The following LMNA variants were observed in gnomAD, a reference collection of about 807,000 sequenced individuals.
LMNA encodes lamin.
A neutral mutation model predicts 70.4 loss-of-function variants in LMNA; 20 were observed. The observed-to-expected ratio is 0.28, with a 90% CI of 0.20 to 0.41. LMNA has a LOEUF of 0.41. Among genes scored for constraint, LMNA ranks in the 10% least tolerant of loss-of-function variants. LMNA has a pLI of 1.00. For missense variants in LMNA, 652 were observed against 917.2 expected, an observed-to-expected ratio of 0.71 and a Z score of 3.73; for synonymous variants, 339 against 372.8, an observed-to-expected ratio of 0.91 and a Z score of 1.04.
chr1:156,129,510 G>A (rs1364011722), intron 1 of LMNA, among the ~76,000 whole-genome samples: 1 of 152,116 alleles, frequency 6.6e-6, no homozygotes, highest in Non-Finnish European at 1.5e-5. Flanking sequence ...GCCCACGCTT[G>A]GTTTTCCTTT....
intron 1 of LMNA, chr1:156,129,688 GT>G: frequency 1.7e-6 from 1 of 604,976 alleles, no homozygotes. Flanking sequence ...TTCTCTGGAG[GT>G]TTTTAAGAAA....
intron 3 of LMNA, among the ~76,000 whole-genome samples, chr1:156,106,428 C>CCA (rs1051782796): frequency 4.6e-5 from 7 of 151,976 alleles, no homozygotes; most frequent in Middle Eastern, 3.4e-3. Context: ...GCCCCAGCAA[C>CCA]CACACACACA....
chr1:156,104,594 C>T (rs1649256461), intron 3 of LMNA, among the ~76,000 whole-genome samples: 1 of 152,110 alleles, frequency 6.6e-6, no homozygotes. Context: ...TCTCGTCCAT[C>T]CTCCACTCCT....
chr1:156,096,182 C>T (rs1379868283), intron 3 of LMNA, among the ~76,000 whole-genome samples: 1 of 152,186 alleles, frequency 6.6e-6, no homozygotes, highest in Non-Finnish European at 1.5e-5. Flanking sequence ...CCCATCTCTC[C>T]TCCTCTGTCT....
chr1:156,135,547 G>A lies in LMNA; in HGVS notation c.936+235G>A, dbSNP rs779386980. 1.1e-5 allele frequency: 7 copies of A among 622,096 alleles called. No individual in the cohort carries two copies. Among genetic ancestry groups the A allele is most frequent in the Admixed American group, 2.8e-5 (1 of 36,220 alleles). 38.5% of individuals were successfully genotyped at this position (622,096 alleles called of 1,614,324 possible). ...TCTCAGGGCTTTGGTTTTCCCATTC[G>A]AAAATGGAGGCTGTTCTTAATCTCC... On this transcript the variant is annotated intron_variant, in intron 5 of 11. Coordinates refer to ENST00000368300, the MANE Select transcript of LMNA (RefSeq NM_170707.4). This position sits in a 1 kb window ranked among gnomAD's most constrained non-coding sequence, Gnocchi z 4.8.
chr1:156,114,817 G>C lies in LMNA; in HGVS notation c.-102G>C. 2.5e-6 allele frequency: 2 copies of C among 803,158 alleles called. No homozygotes were observed. Among genetic ancestry groups the C allele is most frequent in the Non-Finnish European group, 1.9e-6 (1 of 530,090 alleles). The allele number at this position is 803,158 out of a possible 1,614,324, so 49.8% of individuals were successfully genotyped here. On this transcript the variant is annotated 5_prime_UTR_variant, in exon 1 of 12. Transcript: ENST00000368300. ...GCCAGGAGCAAGCCGAGAGCCAGCC[G>C]GCCGGCGCACTCCGACTCCGAGCAG...
chr1:156,129,653 T>C (rs1650875308), intron 1 of LMNA, among the ~76,000 whole-genome samples: 1 of 152,202 alleles, frequency 6.6e-6, no homozygotes, highest in South Asian at 2.1e-4. Context: ...TGTGAAGCAA[T>C]TGTAACATCT....
At chr1:156,126,237 C>G in intron 1 of LMNA, 1 of 1,518,208 alleles carries the variant, frequency 6.6e-7, no homozygotes, top group Non-Finnish European at 8.8e-7. Context: ...AGCAGGGCTG[C>G]TGAGGAGTGG....
At chr1:156,093,298 A>AGTT (rs1399858052) in intron 3 of LMNA, among the ~76,000 whole-genome samples, 10 of 137,224 alleles carry the variant, frequency 7.3e-5, no homozygotes, top group Non-Finnish European at 4.6e-5. Context: ...TTTATATGTC[A>AGTT]ATTTTTTTTT....
chr1:156,137,631 A>T lies in LMNA; in HGVS notation c.1609-23A>T. The T allele has an allele frequency of 6.5e-7, 1 of 1,547,786 alleles. No individual in the cohort carries two copies. The highest frequency in any genetic ancestry group is 8.7e-7 in the Non-Finnish European group (1 of 1,143,628). On this transcript the variant is annotated intron_variant, in intron 9 of 11. Coordinates refer to ENST00000368300, the MANE Select transcript of LMNA (RefSeq NM_170707.4). The surrounding 1 kb of genome is among the most constrained non-coding windows in gnomAD (Gnocchi z 4.6). ...ACCCTTCCCTGGCCCTGACCCTTGG[A>T]CCTGGTTCCATGTCCCCACCAGGAA...
chr1:156,110,511 C>A (rs1335225833), upstream of LMNA, among the ~76,000 whole-genome samples: 1 of 152,174 alleles, frequency 6.6e-6, no homozygotes, highest in Non-Finnish European at 1.5e-5. Context: ...GAGTCACTGA[C>A]CTGAAAAGTG....
intron 1 of LMNA, among the ~76,000 whole-genome samples, chr1:156,124,295 C>CT (rs1168091917): frequency 1.3e-5 from 2 of 151,514 alleles, no homozygotes; most frequent in African/African-American, 2.4e-5. Flanking sequence ...CTCTCTCTCT[C>CT]TCTTTTTTTT....
rs1649784764 is a variant in LMNA at position 156,115,740 on chromosome 1, A to ACGTT, written c.356+467_356+468insGTTC. Among the ~76,000 whole-genome samples, 2 of 152,350 alleles carry ACGTT rather than the reference A, an allele frequency of 1.3e-5. No homozygotes were observed. The highest frequency in any genetic ancestry group is 4.8e-5 in the African/African-American group (2 of 41,588). ...CTAGCTTTGCCCAAGCTGGCTCTGAACACATGATGCCCACTAAGACATAAC... is the reference window on the plus strand; with the variant it reads ...CTAGCTTTGCCCAAGCTGGCTCTGAACGTTCACATGATGCCCACTAAGACATAAC... On this transcript the variant is annotated intron_variant, in intron 1 of 11. Coordinates refer to ENST00000368300, the MANE Select transcript of LMNA (RefSeq NM_170707.4). This position sits in a 1 kb window ranked among gnomAD's most constrained non-coding sequence, Gnocchi z 5.8.
intron 1 of LMNA, among the ~76,000 whole-genome samples, chr1:156,123,675 C>T (rs1399974629): frequency 2.0e-5 from 3 of 152,122 alleles, no homozygotes; most frequent in Non-Finnish European, 2.9e-5. Context: ...GTGACAACAC[C>T]GGAATGATTT....
At chr1:156,087,305 G>A (rs1427322850) in intron 2 of LMNA, among the ~76,000 whole-genome samples, 4 of 142,544 alleles carry the variant, frequency 2.8e-5, no homozygotes, top group Non-Finnish European at 6.1e-5. Context: ...GTGCAGTGGC[G>A]CCATCTCGGC....
In LMNA at chr1:156,139,012, GC is replaced by G; in HGVS notation, c.1969-66del. 3 of 1,542,450 alleles carry G rather than the reference GC, an allele frequency of 1.9e-6. No homozygotes were observed. The South Asian group carries it at 3.3e-5, about 17-fold the overall frequency. On this transcript the variant is annotated intron_variant, in intron 11 of 11. Coordinates refer to ENST00000368300, the MANE Select transcript of LMNA (RefSeq NM_170707.4). ...GGGAGATGCTACCTCCCTTCTAGGG[GC>G]CAGGGGAGGGAGGGTCTGGGTCCAG...
At chr1:156,126,436 C>T (rs1192526779) in intron 1 of LMNA, 21 of 618,666 alleles carry the variant, frequency 3.4e-5, no homozygotes, top group South Asian at 3.9e-5. Flanking sequence ...GGCCTGTGGC[C>T]GGCCCTGGCT....
chr1:156,112,922 G>A (rs1050100087), upstream of LMNA, among the ~76,000 whole-genome samples: 4 of 152,146 alleles, frequency 2.6e-5, no homozygotes, highest in Admixed American at 6.5e-5. Context: ...GTTGCTCATC[G>A]GAGGATAAGC....
At chr1:156,089,339 A>C (rs1405201863) in intron 2 of LMNA, among the ~76,000 whole-genome samples, 1 of 151,834 alleles carries the variant, frequency 6.6e-6, no homozygotes, top group Non-Finnish European at 1.5e-5. Context: ...TCTGTTGCTC[A>C]GGCTGGAATG....
Sources: allele counts gnomAD v4.1 joint callset (sites outside exome capture counted in the v4.1 genomes callset), GRCh38; gene constraint gnomAD v4.1.1; non-coding constraint Gnocchi (gnomAD v3.1); transcripts MANE v1.5; gene names NCBI Gene and HGNC (gene_info 2026-07-23, HGNC 2026-07-21).